CACNG4: variants seen among roughly 807,000 people sequenced by gnomAD.
CACNG4 encodes the protein voltage-dependent calcium channel gamma-4 subunit.
A neutral mutation model predicts 22.9 loss-of-function variants in CACNG4; 8 were observed. The observed-to-expected ratio is 0.35, with a 90% CI of 0.21 to 0.63. The LOEUF is 0.63. Ranked by LOEUF, CACNG4 falls within the 30% of genes least tolerant of loss-of-function variation. The probability of loss-of-function intolerance (pLI) is 0.72; values close to 1 mark genes in which losing one functional copy is unlikely to be tolerated. For synonymous variants in CACNG4, 188 were observed against 191.9 expected (o/e 0.98, Z 0.17); for missense variants, 357 against 455.4 (o/e 0.78, Z 1.97).
At chr17:67,001,402 C>A (rs1464953916) in intron 1 of CACNG4, among the ~76,000 whole-genome samples, 5 of 152,174 alleles carry the variant, frequency 3.3e-5, no homozygotes, top group African/African-American at 7.2e-5. Context: ...ATTCAAGCCC[C>A]ACCAGCCTCC....
chr17:66,993,128 C>T (rs896648530), intron 1 of CACNG4, among the ~76,000 whole-genome samples: 1 of 152,276 alleles, frequency 6.6e-6, no homozygotes, highest in Non-Finnish European at 1.5e-5. Context: ...CACCCCAATC[C>T]CCAGCCAGGG....
Position 67,031,157 on chromosome 17 carries a change from G to C in CACNG4, c.*153G>C. The stretch of plus-strand genomic sequence containing the variant: ...GAGGTGGCGTGGGCTGGCTTTGCAC[G>C]AAGGTTGTGCTGGGAGACCGGACCC... On this transcript the variant is annotated 3_prime_UTR_variant, in exon 4 of 4. Coordinates refer to ENST00000262138, the MANE Select transcript of CACNG4 (RefSeq NM_014405.4). The surrounding 1 kb of genome is among the most constrained non-coding windows in gnomAD (Gnocchi z 4.0). The C allele has an allele frequency of 1.2e-6, 1 of 816,672 alleles. No individual in the cohort carries two copies. Among genetic ancestry groups the C allele is most frequent in the Non-Finnish European group, 1.9e-6 (1 of 522,796 alleles). 50.6% of individuals were successfully genotyped at this position (816,672 alleles called of 1,614,324 possible).
chr17:67,007,158 G>C (rs895193691), intron 1 of CACNG4, among the ~76,000 whole-genome samples: 13 of 152,048 alleles, frequency 8.5e-5, no homozygotes, highest in Admixed American at 4.6e-4. Context: ...CTGGGTGACA[G>C]AGCGAGACTC....
At chr17:66,971,737 G>A (rs569209408) in intron 1 of CACNG4, among the ~76,000 whole-genome samples, 8 of 152,142 alleles carry the variant, frequency 5.3e-5, no homozygotes, top group African/African-American at 1.2e-4. Context: ...AGGGCGAGCC[G>A]AGGCCCCGAG....
rs148482779 is a variant in CACNG4, at chr17:67,024,906, G to A, written c.351G>A (p.Leu117=). The A allele has an allele frequency of 4.4e-6, 7 of 1,604,706 alleles. No individual in the cohort carries two copies. The highest frequency in any genetic ancestry group is 2.3e-5 in the East Asian group (1 of 44,258). Residue 117 remains leucine (L), a synonymous_variant, in exon 3 of 4, where the codon CTG becomes CTA. Coordinates refer to ENST00000262138, the MANE Select transcript of CACNG4 (RefSeq NM_014405.4). ...SSVFPILSTI[L]LLLGGLCIGA... ...TCTTCCCCATCCTCAGCACCATCCT[G>A]CTCCTGCTGGGTGGCCTGTGCATCG... is the stretch of plus-strand genomic sequence containing the variant.
intron 1 of CACNG4, among the ~76,000 whole-genome samples, chr17:67,004,772 G>A (rs1443728538): frequency 6.6e-6 from 1 of 152,264 alleles, no homozygotes; most frequent in East Asian, 1.9e-4. Context: ...CACCTAGGCT[G>A]GAGTGCAGTG....
chr17:66,978,479 C>T (rs1370448657), intron 1 of CACNG4, among the ~76,000 whole-genome samples: 1 of 152,104 alleles, frequency 6.6e-6, no homozygotes, highest in African/African-American at 2.4e-5. Context: ...TTCACCCCTC[C>T]CCCACACACC....
intron 1 of CACNG4, 54 bp downstream of exon 1, chr17:66,965,185 C>T (rs865985558): frequency 5.2e-6 from 5 of 968,552 alleles, no homozygotes; most frequent in South Asian, 1.6e-5. Flanking sequence ...CACACACACA[C>T]ATATACACAC....
intron 1 of CACNG4, among the ~76,000 whole-genome samples, chr17:66,973,911 A>G (rs2035220201): frequency 6.6e-6 from 1 of 152,188 alleles, no homozygotes; most frequent in Non-Finnish European, 1.5e-5. Context: ...GTGCTGCGCG[A>G]GACTCTCTTT....
At chr17:67,029,771 G>T (rs1380346313) in intron 3 of CACNG4, among the ~76,000 whole-genome samples, 3 of 152,240 alleles carry the variant, frequency 2.0e-5, no homozygotes, top group African/African-American at 4.8e-5. Context: ...TGGATGAGGA[G>T]TATATGAAAC....
intron 1 of CACNG4, among the ~76,000 whole-genome samples, chr17:67,009,112 G>A (rs182154720): frequency 6.6e-6 from 1 of 152,252 alleles, no homozygotes; most frequent in Admixed American, 6.5e-5. Context: ...GAACGCCAGA[G>A]ATCACCAGCA....
chr17:67,000,728 C>T (rs959441836), intron 1 of CACNG4, among the ~76,000 whole-genome samples: 16 of 152,024 alleles, frequency 1.1e-4, no homozygotes, highest in Non-Finnish European at 1.9e-4. Context: ...GCTTTCGGGA[C>T]GGGGGGAGGG....
At chr17:66,997,614 C>T (rs1448491918) in intron 1 of CACNG4, among the ~76,000 whole-genome samples, 3 of 152,058 alleles carry the variant, frequency 2.0e-5, no homozygotes, top group East Asian at 1.9e-4. Flanking sequence ...GTCAGGAGTT[C>T]GAGACCAGCC....
At chr17:67,009,367 T>A (rs1598117540) in intron 1 of CACNG4, among the ~76,000 whole-genome samples, 1 of 125,328 alleles carries the variant, frequency 8.0e-6, no homozygotes, top group Non-Finnish European at 1.6e-5. Flanking sequence ...CTCCAGTCCC[T>A]CTTCTGAAAC....
intron 1 of CACNG4, among the ~76,000 whole-genome samples, chr17:67,008,740 G>C (rs2035451450): frequency 6.6e-6 from 1 of 152,102 alleles, no homozygotes; most frequent in Admixed American, 6.5e-5. Flanking sequence ...TTGAGGTCAG[G>C]AGTTCGACAC....
chr17:66,991,622 G>A (rs2035341130), intron 1 of CACNG4, among the ~76,000 whole-genome samples: 1 of 152,188 alleles, frequency 6.6e-6, no homozygotes, highest in Non-Finnish European at 1.5e-5. Flanking sequence ...GCGAGGATGT[G>A]TGTCAGTTGT....
intron 2 of CACNG4, among the ~76,000 whole-genome samples, chr17:67,020,902 T>C (rs896949570): frequency 1.3e-5 from 2 of 152,212 alleles, no homozygotes; most frequent in African/African-American, 4.8e-5. Context: ...CGTTTATTCA[T>C]TCATTTAACA....
At chr17:67,025,443 C>T (rs1394055815) in intron 3 of CACNG4, among the ~76,000 whole-genome samples, 3 of 152,210 alleles carry the variant, frequency 2.0e-5, no homozygotes, top group African/African-American at 4.8e-5. Context: ...TGCCAAAACT[C>T]GAAGGAGTTG....
chr17:66,968,523 CTCT>C (rs2035184218), intron 1 of CACNG4, among the ~76,000 whole-genome samples: 1 of 54,736 alleles, frequency 1.8e-5, no homozygotes, highest in South Asian at 9.3e-4. Context: ...TACCCTCCTC[CTCT>C]GCCTCCTCTC....
Sources: gnomAD v4.1 joint callset for allele counts (sites outside exome capture counted in the v4.1 genomes callset) on GRCh38, gnomAD v4.1.1 for gene constraint, Gnocchi (gnomAD v3.1) non-coding constraint, MANE v1.5 for transcripts, NCBI Gene and HGNC (gene_info 2026-07-23, HGNC 2026-07-21) for gene names.